The following ETNPPL variants were observed in gnomAD, a reference collection of about 807,000 sequenced individuals.
ETNPPL encodes ethanolamine-phosphate phospho-lyase, also known as alanine--glyoxylate aminotransferase 2-like 1.
ETNPPL carries 30 observed loss-of-function variants against 55.5 expected under a neutral mutation model. That is an observed-to-expected ratio of 0.54 (90% CI 0.40 to 0.73). The LOEUF is 0.73. ETNPPL is among the 30% of genes least tolerant of loss of function. ETNPPL has a pLI of 0.00. For missense variants in ETNPPL, 528 were observed against 607.9 expected (o/e 0.87, Z 1.38); for synonymous variants, 202 against 207.2 (o/e 0.98, Z 0.21).
intron 10 of ETNPPL, 76 bp downstream of exon 10, chr4:108,746,686 G>A: frequency 6.6e-7 from 1 of 1,509,928 alleles, no homozygotes; most frequent in East Asian, 2.3e-5. Flanking sequence ...GGGATGGGAG[G>A]AAGTCAAGCA....
rs761071018 is a variant in ETNPPL, at chr4:108,760,169, G to T, written c.175+19C>A. 2.7e-6 allele frequency: 4 copies of T among 1,492,848 alleles called. No homozygotes were observed. The highest frequency in any genetic ancestry group is 2.8e-6 in the Non-Finnish European group (3 of 1,072,626). The allele number at this position is 1,492,848 out of a possible 1,614,324, so 92.5% of individuals were successfully genotyped here. ...CCATGAACATTTCCTCCAAAGCACT[G>T]CAAGGACAGGACATTTACCATGGGC... On this transcript the variant is annotated intron_variant, in intron 2 of 12. Coordinates refer to ENST00000296486, the MANE Select transcript of ETNPPL (RefSeq NM_031279.4).
rs1434369718 is a variant in ETNPPL at position 108,752,904 on chromosome 4, A to C, written c.609T>G (p.Ser203Arg). 1 of 1,582,408 alleles carries C rather than the reference A, an allele frequency of 6.3e-7. No homozygotes were observed. Among genetic ancestry groups the C allele is most frequent in the African/African-American group, 1.4e-5 (1 of 73,974 alleles). Residue 203 changes from serine to arginine, a missense_variant, in exon 6 of 13, where the codon AGT becomes AGG. Ser to Arg is a moderately radical substitution (Grantham distance 110). Coordinates refer to ENST00000296486, the MANE Select transcript of ETNPPL (RefSeq NM_031279.4). Reference protein sequence around the residue: ...VKKIIEDAHNSGRKIAAFIAE... With the variant: ...VKKIIEDAHNRGRKIAAFIAE... ...AGCTATAAATACAAACCTTCCTTCCACTGTTATGAGCATCTTCAATGATTT... is the reference window on the plus strand; with the variant it reads ...AGCTATAAATACAAACCTTCCTTCCCCTGTTATGAGCATCTTCAATGATTT...
At chr4:108,759,625 A>C in intron 3 of ETNPPL, 124 bp downstream of exon 3, 1 of 929,628 alleles carries the variant, frequency 1.1e-6, no homozygotes, top group Non-Finnish European at 1.6e-6. Context: ...TCACTTAGTG[A>C]ATGGCAAGAA....
At chr4:108,755,187 T>C (rs1240892838) in intron 4 of ETNPPL, among the ~76,000 whole-genome samples, 2 of 152,208 alleles carry the variant, frequency 1.3e-5, no homozygotes, top group African/African-American at 4.8e-5. Flanking sequence ...CTTGCAAATA[T>C]TAGGCAAATA....
chr4:108,752,944 G>A lies in ETNPPL; in HGVS notation c.569C>T (p.Ala190Val). The change falls in exon 6 of 13, where the codon GCA becomes GTA. Residue 190 changes from alanine (A) to valine (V), a missense_variant. Physicochemically the swap from Ala to Val is moderately conservative, Grantham distance 64. Coordinates refer to ENST00000296486, the MANE Select transcript of ETNPPL (RefSeq NM_031279.4). ...EDHADSASAY[A>V]DEVKKIIEDA... ...TTCAATGATTTTCTTCACTTCATCTGCATAAGCACTGGCTGAGTCTGCATG... is the reference window on the plus strand; with the variant it reads ...TTCAATGATTTTCTTCACTTCATCTACATAAGCACTGGCTGAGTCTGCATG... 6.2e-7 allele frequency: 1 copy of A among 1,612,576 alleles called. No homozygotes were observed. Among genetic ancestry groups the A allele is most frequent in the Non-Finnish European group, 8.5e-7 (1 of 1,179,160 alleles).
At chr4:108,744,599 G>T (rs1277207253) in intron 11 of ETNPPL, among the ~76,000 whole-genome samples, 4 of 152,034 alleles carry the variant, frequency 2.6e-5, no homozygotes, top group South Asian at 2.1e-4. Flanking sequence ...AACTTATGTG[G>T]ACTCTCAAGT....
chr4:108,743,680 G>A (rs1207737765), intron 12 of ETNPPL, 109 bp downstream of exon 12: 2 of 770,546 alleles, frequency 2.6e-6, no homozygotes, highest in African/African-American at 1.8e-5. Context: ...AATACAGGCT[G>A]GCATTGTTCT....
intron 5 of ETNPPL, among the ~76,000 whole-genome samples, chr4:108,753,973 C>CTTTTTTTTTTTT (rs1213568977): frequency 1.1e-4 from 13 of 122,756 alleles, no homozygotes; most frequent in African/African-American, 1.3e-4. Flanking sequence ...TTTTTCTTTT[C>CTTTTTTTTTTTT]TTTTTTTTTT....
intron 9 of ETNPPL, among the ~76,000 whole-genome samples, chr4:108,747,174 ATATATAATATATATATATAT>A (rs1728606384): frequency 5.8e-4 from 7 of 12,072 alleles, no homozygotes; most frequent in African/African-American, 4.6e-3. Flanking sequence ...TTATATATAT[ATATATAATATATATATATAT>A]TATATATATA....
intron 5 of ETNPPL, among the ~76,000 whole-genome samples, chr4:108,753,755 A>AGAAAGAAAGAAG (rs1729031254): frequency 8.6e-6 from 1 of 116,472 alleles, no homozygotes; most frequent in Non-Finnish European, 1.7e-5. Context: ...TAAATAAGAA[A>AGAAAGAAAGAAG]GAAAGAAAGA....
chr4:108,747,895 A>AT lies in ETNPPL; in HGVS notation c.1082+109dup, dbSNP rs1339694896. On this transcript the variant is annotated intron_variant, in intron 9 of 12. Transcript: ENST00000296486. ...TTGTGTGTGCCACCACACCTGGCTA[A>AT]TTTTTTGTAGTTTTAATAGAGACGG... is the stretch of plus-strand genomic sequence containing the variant. 12 of 908,258 alleles carry AT rather than the reference A, an allele frequency of 1.3e-5. No homozygotes were observed. The African/African-American group carries it at 2.1e-4, about 16-fold the overall frequency. The allele number at this position is 908,258 out of a possible 1,614,324, so 56.3% of individuals were successfully genotyped here. A position where few individuals can be genotyped will look rare whatever the true frequency, so the allele number is the denominator to read the frequency against.
At position 108,756,507 on chromosome 4, in the gene ETNPPL, T is replaced by TAG; in HGVS notation, c.336-17_336-16dup. ...TGGCTTCGGATCTATTAAGATAACA[T>TAG]AGAGAGAGAGGACACTGTGACAGTC... On this transcript the variant is annotated splice_polypyrimidine_tract_variant and intron_variant, in intron 3 of 12. Coordinates refer to ENST00000296486, the MANE Select transcript of ETNPPL (RefSeq NM_031279.4). The TAG allele has an allele frequency of 1.2e-6, 2 of 1,601,182 alleles. No homozygotes were observed. Among genetic ancestry groups the TAG allele is most frequent in the Non-Finnish European group, 1.7e-6 (2 of 1,168,334 alleles).
At chr4:108,756,535 T>C (rs1018707406) in intron 3 of ETNPPL, 43 bp from the exon 4 acceptor site, 2 of 1,465,450 alleles carry the variant, frequency 1.4e-6, no homozygotes, top group African/African-American at 2.8e-5. Flanking sequence ...TGACAGTCTC[T>C]TTTTAAAACA....
intron 8 of ETNPPL, 63 bp from the exon 9 acceptor site, chr4:108,748,222 C>A: frequency 7.4e-7 from 1 of 1,342,744 alleles, no homozygotes. Context: ...TTCCCTCATC[C>A]ATGAGAAATT....
Position 108,762,913 on chromosome 4 carries a change from G to A in ETNPPL, c.-15C>T, listed in dbSNP as rs749610748. 1.9e-6 allele frequency: 3 copies of A among 1,613,840 alleles called. No homozygotes were observed. The highest frequency in any genetic ancestry group is 2.5e-6 in the Non-Finnish European group (3 of 1,179,792). ...AGCTCGCACATGGTGGCGGGGTGCAGGGCGCTGCGAAGGTGCAAGGTGCAA... is the reference window on the plus strand; with the variant it reads ...AGCTCGCACATGGTGGCGGGGTGCAAGGCGCTGCGAAGGTGCAAGGTGCAA... On this transcript the variant is annotated 5_prime_UTR_variant, in exon 1 of 13. Coordinates refer to ENST00000296486, the MANE Select transcript of ETNPPL (RefSeq NM_031279.4).
chr4:108,759,400 C>CAAAAA (rs59227589), intron 3 of ETNPPL, among the ~76,000 whole-genome samples: 1 of 70,282 alleles, frequency 1.4e-5, no homozygotes, highest in African/African-American at 4.7e-5. Flanking sequence ...GGCTCCATCT[C>CAAAAA]AAAAAAAAAA....
At chr4:108,747,151 ATATATATATATAT>A (rs1728582344) in intron 9 of ETNPPL, among the ~76,000 whole-genome samples, 1 of 22,894 alleles carries the variant, frequency 4.4e-5, no homozygotes, top group African/African-American at 2.7e-4. Context: ...TATATATAAT[ATATATATATATAT>A]TATATATATA....
intron 8 of ETNPPL, among the ~76,000 whole-genome samples, chr4:108,748,759 G>A (rs777776140): frequency 1.8e-4 from 27 of 152,060 alleles, no homozygotes; most frequent in Non-Finnish European, 3.2e-4. Context: ...GGAAATTTAA[G>A]TATGATATGA....
rs539210737 is a variant in ETNPPL, at chr4:108,756,375, C to T, written c.410+43G>A. Reference sequence around the variant, plus strand: ...GGATAGGATCAATACAATTTTGTCTCTGAAGAAGCTTCTTGCTTAAAAATC... The same window carrying T: ...GGATAGGATCAATACAATTTTGTCTTTGAAGAAGCTTCTTGCTTAAAAATC... On this transcript the variant is annotated intron_variant, in intron 4 of 12. Transcript: ENST00000296486. 5.7e-6 allele frequency: 8 copies of T among 1,406,596 alleles called. No individual in the cohort carries two copies. The South Asian group carries it at 8.1e-5, about 14-fold the overall frequency. 87.1% of individuals were successfully genotyped at this position (1,406,596 alleles called of 1,614,324 possible). A position where few individuals can be genotyped will look rare whatever the true frequency, so the allele number is the denominator to read the frequency against.
Sources: gnomAD v4.1 joint callset for allele counts (sites outside exome capture counted in the v4.1 genomes callset) on GRCh38, gnomAD v4.1.1 for gene constraint, MANE v1.5 for transcripts, NCBI Gene and HGNC (gene_info 2026-07-23, HGNC 2026-07-21) for gene names.